Variants in CAPN1 observed in about 807,000 individuals in gnomAD.
CAPN1 encodes calpain 1.
Under a neutral mutation model 105.2 loss-of-function variants are expected in CAPN1, and 77 were observed. The ratio of observed to expected loss-of-function variants is 0.73; its 90% CI spans 0.61 to 0.88. The LOEUF (loss-of-function observed/expected upper bound fraction) is 0.88, where lower values mean the gene tolerates loss of function less well. Ranked by LOEUF, CAPN1 falls within the 40% of genes least tolerant of loss-of-function variation. The pLI is 0.00. For synonymous variants in CAPN1, 355 were observed against 388.8 expected, an observed-to-expected ratio of 0.91 and a Z score of 1.02; for missense variants, 833 against 976.6, an observed-to-expected ratio of 0.85 and a Z score of 1.96.
rs1425491668 is a variant in CAPN1 at position 65,183,172 on chromosome 11, C to T, written c.312C>T (p.Arg104=). ...AGTTCATTGTGGATGGAGCTACCCGCACAGACATCTGCCAGGGAGCACTGG... is the reference window on the plus strand; with the variant it reads ...AGTTCATTGTGGATGGAGCTACCCGTACAGACATCTGCCAGGGAGCACTGG... ...NPQFIVDGAT[R]TDICQGALGD... Residue 104 remains arginine, a synonymous_variant, in exon 3 of 22, where the codon CGC becomes CGT. Transcript: ENST00000279247. 1.2e-6 allele frequency: 2 copies of T among 1,613,762 alleles called. No individual in the cohort carries two copies. Among genetic ancestry groups the T allele is most frequent in the South Asian group, 1.1e-5 (1 of 91,082 alleles).
intron 10 of CAPN1, among the ~76,000 whole-genome samples, chr11:65,198,494 A>G (rs560129084): frequency 1.1e-4 from 17 of 152,212 alleles, no homozygotes; most frequent in Admixed American, 3.3e-4. Context: ...AACCTTAGAA[A>G]TTCAGCTTGA....
chr11:65,204,398 G>A (rs577357983), intron 10 of CAPN1, among the ~76,000 whole-genome samples: 127 of 152,218 alleles, frequency 8.3e-4, no homozygotes, highest in Non-Finnish European at 1.4e-3. Context: ...GGGTCTCAGC[G>A]CATAGGTCCC....
At chr11:65,204,095 C>A (rs1240658214) in intron 10 of CAPN1, among the ~76,000 whole-genome samples, 1 of 152,132 alleles carries the variant, frequency 6.6e-6, no homozygotes, top group Non-Finnish European at 1.5e-5. Context: ...TTTTCTCTTG[C>A]CTTCTTCTAA....
At chr11:65,207,199 C>CTTTT (rs34786351) in intron 14 of CAPN1, among the ~76,000 whole-genome samples, 6 of 113,358 alleles carry the variant, frequency 5.3e-5, no homozygotes, top group African/African-American at 2.1e-4. Flanking sequence ...AAACTCTTGC[C>CTTTT]TTTTTTTTTT....
At position 65,187,267 on chromosome 11, in the gene CAPN1, G is replaced by T; in HGVS notation, c.812G>T (p.Gly271Val). 6.2e-7 allele frequency: 1 copy of T among 1,613,322 alleles called. No individual in the cohort carries two copies. The highest frequency in any genetic ancestry group is 8.5e-7 in the Non-Finnish European group (1 of 1,179,576). Residue 271 changes from glycine (G) to valine (V), a missense_variant, in exon 7 of 22, where the codon GGC becomes GTC. Gly to Val is a moderately radical substitution (Grantham distance 109). Transcript: ENST00000279247. ...ATCACTTTCAAGAAGTTGGTGAAGG[G>T]CCATGCCTACTCTGTGACCGGGGCC... ...EAITFKKLVK[G>V]HAYSVTGAKQ...
intron 3 of CAPN1, 35 bp from the exon 4 acceptor site, chr11:65,183,439 G>T: frequency 6.6e-7 from 1 of 1,521,904 alleles, no homozygotes; most frequent in East Asian, 2.3e-5. Flanking sequence ...GGGCAGGTTG[G>T]TAGAGCAGGC....
rs374063901 is a variant in CAPN1 at position 65,188,364 on chromosome 11, G to T, written c.930-50G>T. The T allele has an allele frequency of 1.6e-4, 240 of 1,527,056 alleles. No individual in the cohort carries two copies. In the East Asian group the frequency reaches 5.5e-3, roughly 35 times the overall value. 94.6% of individuals were successfully genotyped at this position (1,527,056 alleles called of 1,614,324 possible). A position where few individuals can be genotyped will look rare whatever the true frequency, so the allele number is the denominator to read the frequency against. On this transcript the variant is annotated intron_variant, in intron 8 of 21. Coordinates refer to ENST00000279247, the MANE Select transcript of CAPN1 (RefSeq NM_005186.4). This position sits in a 1 kb window ranked among gnomAD's most constrained non-coding sequence, Gnocchi z 5.5. ...GGGTAGACAGGCCCCAGGGACAGAG[G>T]CCAGGCAGGTCAGTGCCCACCAGCC...
chr11:65,189,227 GC>G (rs1948686183), intron 10 of CAPN1, among the ~76,000 whole-genome samples: 1 of 152,124 alleles, frequency 6.6e-6, no homozygotes, highest in African/African-American at 2.4e-5. Context: ...CTCCATGTTG[GC>G]CAGGCTGGTC....
rs1948590070 is a variant in CAPN1, at chr11:65,183,795, G to A, written c.456+203G>A. The A allele has an allele frequency of 3.0e-5, 17 of 568,328 alleles. No individual in the cohort carries two copies. The South Asian group carries it at 3.5e-4, about 12-fold the overall frequency. 35.2% of individuals were successfully genotyped at this position (568,328 alleles called of 1,614,324 possible). ...TTTCGGCTGGCAGTTTTCCTAGGTG[G>A]TTGTATGTATCAGGTGGAAAGTGCT... On this transcript the variant is annotated intron_variant, in intron 4 of 21. Transcript: ENST00000279247.
In CAPN1 at chr11:65,208,047, C is replaced by T. The variant is rs940530702; in HGVS notation, c.1606-8C>T. The T allele has an allele frequency of 1.2e-5, 19 of 1,583,800 alleles. No individual in the cohort carries two copies. Among genetic ancestry groups the T allele is most frequent in the Middle Eastern group, 1.8e-4 (1 of 5,538 alleles). ...TCTCTTACCTGCTTTCTCCCCTTCT[C>T]GGTCCAGCAAGTGCTCTCAGAAGAG... On this transcript the variant is annotated splice_region_variant and splice_polypyrimidine_tract_variant and intron_variant, in intron 14 of 21. Transcript: ENST00000279247. The surrounding 1 kb of genome is among the most constrained non-coding windows in gnomAD (Gnocchi z 4.1).
At chr11:65,199,333 T>A (rs1378001045) in intron 10 of CAPN1, among the ~76,000 whole-genome samples, 1 of 152,150 alleles carries the variant, frequency 6.6e-6, no homozygotes, top group Non-Finnish European at 1.5e-5. Flanking sequence ...GAGCCAGGAG[T>A]CTGTCTACCT....
rs1949012622 is a variant in CAPN1, at chr11:65,209,510, G to A, written c.1794+123G>A. On this transcript the variant is annotated intron_variant, in intron 17 of 21. Coordinates refer to ENST00000279247, the MANE Select transcript of CAPN1 (RefSeq NM_005186.4). The surrounding 1 kb of genome is among the most constrained non-coding windows in gnomAD (Gnocchi z 4.1). ...GCCATGCGGAGTGTGGACACACAGT[G>A]CCCCATGCTCAGATGTCTCCCTGGA... 1 of 839,540 alleles carries A rather than the reference G, an allele frequency of 1.2e-6. No individual in the cohort carries two copies. Among genetic ancestry groups the A allele is most frequent in the Non-Finnish European group, 2.0e-6 (1 of 503,600 alleles). The allele number at this position is 839,540 out of a possible 1,614,324, so 52.0% of individuals were successfully genotyped here.
chr11:65,211,606 C>T lies in CAPN1; in HGVS notation c.*320C>T, dbSNP rs1347063747. The T allele has an allele frequency of 2.0e-6, 1 of 494,844 alleles. No individual in the cohort carries two copies. Among genetic ancestry groups the T allele is most frequent in the Middle Eastern group, 5.6e-4 (1 of 1,794 alleles). 30.7% of individuals were successfully genotyped at this position (494,844 alleles called of 1,614,324 possible). On this transcript the variant is annotated 3_prime_UTR_variant, in exon 22 of 22. Coordinates refer to ENST00000279247, the MANE Select transcript of CAPN1 (RefSeq NM_005186.4). ...TCCCCAGCATCCTGATGTGTCCCCT[C>T]TCCCCACTTCAGAGGCCACCCACTC...
chr11:65,206,427 G>A (rs1948958217), intron 12 of CAPN1, 36 bp from the exon 13 acceptor site: 2 of 1,563,554 alleles, frequency 1.3e-6, no homozygotes, highest in African/African-American at 1.4e-5. Context: ...GGCTGAGTGG[G>A]CAGCTGCAGC....
At position 65,184,961 on chromosome 11, in the gene CAPN1, G is replaced by A. The variant is rs17883372; in HGVS notation, c.457-956G>A. On this transcript the variant is annotated intron_variant, in intron 4 of 21. Transcript: ENST00000279247. ...CAGGATCATGTAGCTAGTATGTCTC[G>A]AGCATACATGTACATATCAAGTATA... is the stretch of plus-strand genomic sequence containing the variant. Among the ~76,000 whole-genome samples, 857 of 152,070 alleles carry A rather than the reference G, an allele frequency of 5.6e-3. 10 individuals carry two copies. The highest frequency in any genetic ancestry group is 0.019 in the African/African-American group (773 of 41,474).
At chr11:65,203,191 A>G (rs1020644976) in intron 10 of CAPN1, among the ~76,000 whole-genome samples, 2 of 66,622 alleles carry the variant, frequency 3.0e-5, no homozygotes, top group Non-Finnish European at 8.7e-5. Context: ...AGCCATTAAC[A>G]TTCTCTCTTT....
At position 65,211,460 on chromosome 11, in the gene CAPN1, C is replaced by A. The variant is rs1260528458; in HGVS notation, c.*174C>A. The A allele has an allele frequency of 4.5e-6, 3 of 670,060 alleles. No homozygotes were observed. The highest frequency in any genetic ancestry group is 2.1e-5 in the Admixed American group (1 of 47,198). The allele number at this position is 670,060 out of a possible 1,614,324, so 41.5% of individuals were successfully genotyped here. On this transcript the variant is annotated 3_prime_UTR_variant, in exon 22 of 22. Coordinates refer to ENST00000279247, the MANE Select transcript of CAPN1 (RefSeq NM_005186.4). Reference sequence around the variant, plus strand: ...GCCACCATCGTTCATCTGCTCCGGGCAGAACTGTGTGGCCCCTGCCTGTGC... The same window carrying A: ...GCCACCATCGTTCATCTGCTCCGGGAAGAACTGTGTGGCCCCTGCCTGTGC...
At chr11:65,190,597 C>T (rs190844583) in intron 10 of CAPN1, among the ~76,000 whole-genome samples, 1 of 152,336 alleles carries the variant, frequency 6.6e-6, no homozygotes, top group African/African-American at 2.4e-5. Context: ...GGGTCTATCC[C>T]TCTGCCGATA....
rs1279632876 is a variant in CAPN1, at chr11:65,182,949, T to C, written c.248T>C (p.Ile83Thr). The change falls in exon 2 of 22, where the codon ATC becomes ACC. Residue 83 changes from isoleucine to threonine, a missense_variant. By Grantham distance (89) the Ile-to-Thr change is moderately conservative. Coordinates refer to ENST00000279247, the MANE Select transcript of CAPN1 (RefSeq NM_005186.4). ...LGPNSSKTYG[I>T]KWKRPTELLS... is the part of the protein sequence containing the mutation. ...CCCAATTCCTCCAAGACCTATGGCA[T>C]CAAGTGGAAGCGTCCCACGGTGAGA... The C allele has an allele frequency of 3.1e-6, 5 of 1,613,404 alleles. No homozygotes were observed. The highest frequency in any genetic ancestry group is 4.2e-6 in the Non-Finnish European group (5 of 1,179,702).
Sources: gnomAD v4.1 joint callset for allele counts (sites outside exome capture counted in the v4.1 genomes callset) on GRCh38, gnomAD v4.1.1 for gene constraint, Gnocchi (gnomAD v3.1) non-coding constraint, MANE v1.5 for transcripts, NCBI Gene and HGNC (gene_info 2026-07-23, HGNC 2026-07-21) for gene names.